The following ZMYM2 variants were observed in gnomAD, a reference collection of about 807,000 sequenced individuals.
The protein encoded by ZMYM2 is zinc finger MYM-type protein 2.
In ZMYM2, 56 loss-of-function variants were observed where a neutral mutation model predicts 162.8. The observed-to-expected ratio is 0.34, with a 90% CI of 0.28 to 0.43. The LOEUF (loss-of-function observed/expected upper bound fraction) is 0.43. Among genes scored for constraint, ZMYM2 ranks in the 20% least tolerant of loss-of-function variants. ZMYM2 has a pLI of 1.00. For synonymous variants in ZMYM2, 510 were observed against 541.6 expected (o/e 0.94, Z 0.81); for missense variants, 1,275 against 1,621.8 (o/e 0.79, Z 3.67).
chr13:20,006,608 AT>A (rs1950764317), intron 6 of ZMYM2, 22 bp downstream of exon 6: 1 of 1,609,570 alleles, frequency 6.2e-7, no homozygotes, highest in Admixed American at 1.7e-5. Flanking sequence ...TCTAATCAAA[AT>A]TGGGCATTCT....
intron 2 of ZMYM2, among the ~76,000 whole-genome samples, chr13:19,992,312 G>T (rs1355648707): frequency 6.6e-6 from 1 of 152,202 alleles, no homozygotes; most frequent in African/African-American, 2.4e-5. Context: ...CAGCACTTTG[G>T]GAGGCTGAGG....
chr13:20,011,573 G>GTTTTTTTTTTTTTTTTTT lies in ZMYM2; in HGVS notation c.1512+4991_1512+4992insTTTTTTTTTTTTTTTTTT, dbSNP rs764404253. ...GATGTGCAGAAGTTTTTATTTTTTT[G>GTTTTTTTTTTTTTTTTTT]TTTTATTTTTTTTTTTTTTGAGGGG... On this transcript the variant is annotated intron_variant, in intron 6 of 24. Coordinates refer to ENST00000610343, the MANE Select transcript of ZMYM2 (RefSeq NM_197968.4). Among the ~76,000 whole-genome samples the GTTTTTTTTTTTTTTTTTT allele has an allele frequency of 7.1e-4, 103 of 144,176 alleles. 5 individuals are homozygous for GTTTTTTTTTTTTTTTTTT. The highest frequency in any genetic ancestry group is 1.4e-3 in the African/African-American group (52 of 37,958). 94.6% of individuals were successfully genotyped at this position (144,176 alleles called of 152,430 possible).
chr13:19,947,681 C>CTAGGCTAGGT, the ZMYM2 span, among the ~76,000 whole-genome samples: 1 of 151,834 alleles, frequency 6.6e-6, no homozygotes, highest in Non-Finnish European at 1.5e-5. Context: ...CTAGGCTAGG[C>CTAGGCTAGGT]TAGGCTAGTC....
intron 17 of ZMYM2, among the ~76,000 whole-genome samples, chr13:20,062,201 A>G (rs568481185): frequency 6.6e-6 from 1 of 152,322 alleles, no homozygotes; most frequent in African/African-American, 2.4e-5. Context: ...GTGGGTTGCA[A>G]CCAGTGTTTT....
At chr13:20,056,451 G>A (rs1955803002) in intron 14 of ZMYM2, among the ~76,000 whole-genome samples, 1 of 152,112 alleles carries the variant, frequency 6.6e-6, no homozygotes, top group African/African-American at 2.4e-5. Context: ...CTCTTCTCCA[G>A]CCCCTCAGAC....
intron 2 of ZMYM2, among the ~76,000 whole-genome samples, chr13:19,964,474 A>G (rs1225732846): frequency 6.6e-6 from 1 of 152,186 alleles, no homozygotes; most frequent in East Asian, 1.9e-4. Flanking sequence ...TTTGTTGTCC[A>G]CACTGCTCTC....
chr13:20,031,760 GT>G (rs1953160971), intron 10 of ZMYM2, among the ~76,000 whole-genome samples: 1 of 149,570 alleles, frequency 6.7e-6, no homozygotes, highest in Non-Finnish European at 1.5e-5. Context: ...TCCCTGTCCT[GT>G]ATTATCTGAG....
chr13:19,879,824 G>C, the ZMYM2 span, among the ~76,000 whole-genome samples: 1 of 152,188 alleles, frequency 6.6e-6, no homozygotes, highest in Non-Finnish European at 1.5e-5. Flanking sequence ...TTCCAGATGG[G>C]TCTTTGAGGG....
At chr13:19,904,515 G>A in the ZMYM2 span, among the ~76,000 whole-genome samples, 4 of 152,028 alleles carry the variant, frequency 2.6e-5, no homozygotes, top group Non-Finnish European at 4.4e-5. Flanking sequence ...CTGAGATGGC[G>A]CCATTGCACT....
At position 20,058,613 on chromosome 13, in the gene ZMYM2, G is replaced by C; in HGVS notation, c.2532G>C (p.Glu844Asp). ...CCCCTTCTCCAACACCTAACAAAGAGATGAAGAACAAAGCAGTTCTTTGCA... is the reference window on the plus strand; with the variant it reads ...CCCCTTCTCCAACACCTAACAAAGACATGAAGAACAAAGCAGTTCTTTGCA... ...APPPSPTPNK[E>D]MKNKAVLCKP... The change falls in exon 15 of 25, where the codon GAG (glutamate) becomes GAC (aspartate). Residue 844 changes from glutamate (E) to aspartate (D), a missense_variant. Around this residue, in one of 10 missense-constraint regions of ZMYM2, gnomAD observed 177 missense variants for 228.0 expected, o/e 0.78. Transcript: ENST00000610343. 1 of 1,613,760 alleles carries C rather than the reference G, an allele frequency of 6.2e-7. No homozygotes were observed. Among genetic ancestry groups the C allele is most frequent in the Non-Finnish European group, 8.5e-7 (1 of 1,179,762 alleles).
chr13:20,036,207 GAC>G (rs1376187461), intron 11 of ZMYM2, among the ~76,000 whole-genome samples: 2 of 151,904 alleles, frequency 1.3e-5, no homozygotes, highest in African/African-American at 4.8e-5. Context: ...GTAGAAAAAA[GAC>G]ATACTTCGTT....
At chr13:20,006,252 T>G in intron 5 of ZMYM2, 122 bp from the exon 6 acceptor site, 1 of 498,196 alleles carries the variant, frequency 2.0e-6, no homozygotes, top group Non-Finnish European at 2.7e-6. Flanking sequence ...AAAAAAATTT[T>G]TTTTTTCCTT....
chr13:19,941,720 CTTTTTTTTTTTT>C, the ZMYM2 span, among the ~76,000 whole-genome samples: 110 of 63,008 alleles, frequency 1.7e-3, 1 homozygote, highest in South Asian at 4.4e-3. Context: ...TGGCTTTCTG[CTTTTTTTTTTTT>C]TTTTTTTTTT....
chr13:20,062,778 C>T (rs1956325745), intron 17 of ZMYM2, 68 bp from the exon 18 acceptor site: 7 of 1,389,566 alleles, frequency 5.0e-6, no homozygotes, highest in South Asian at 3.4e-5. Context: ...TTGCTTTTGC[C>T]AGATTAAATA....
intron 1 of ZMYM2, 30 bp downstream of exon 1, chr13:19,958,871 C>A (rs1215181803): frequency 6.5e-6 from 1 of 152,716 alleles, no homozygotes; most frequent in South Asian, 2.1e-4. Flanking sequence ...TCTTTCCAGT[C>A]CAGGGCCGCC....
At chr13:19,896,092 A>G in the ZMYM2 span, among the ~76,000 whole-genome samples, 1 of 150,986 alleles carries the variant, frequency 6.6e-6, no homozygotes, top group South Asian at 2.1e-4. Context: ...ATTGTGAATA[A>G]TAATGTGCAA....
chr13:19,917,935 T>C, the ZMYM2 span, among the ~76,000 whole-genome samples: 1 of 152,040 alleles, frequency 6.6e-6, no homozygotes, highest in South Asian at 2.1e-4. Flanking sequence ...GGCTTGCCTG[T>C]AGTCCCAGCT....
chr13:20,086,046 A>G lies in ZMYM2; in HGVS notation c.*32A>G. On this transcript the variant is annotated 3_prime_UTR_variant, in exon 25 of 25. Transcript: ENST00000610343. ...ACGTTGCAGAAGCAATCGGGATAAA[A>G]CAGCATTAGATAGTCATGCTGCTAG... The G allele has an allele frequency of 4.4e-6, 7 of 1,596,998 alleles. No homozygotes were observed. Among genetic ancestry groups the G allele is most frequent in the Non-Finnish European group, 6.0e-6 (7 of 1,168,608 alleles).
chr13:19,996,240 G>A (rs892228940), intron 3 of ZMYM2, among the ~76,000 whole-genome samples: 2 of 152,146 alleles, frequency 1.3e-5, no homozygotes, highest in Non-Finnish European at 2.9e-5. Context: ...CTTATTTGTC[G>A]AGTAATGTCT....
Sources: gnomAD v4.1 joint callset for allele counts (sites outside exome capture counted in the v4.1 genomes callset) on GRCh38, gnomAD v4.1.1 for gene constraint, gnomAD v4.1.1 regional missense constraint, MANE v1.5 for transcripts, NCBI Gene and HGNC (gene_info 2026-07-23, HGNC 2026-07-21) for gene names.